LCLAT1: variants seen among roughly 807,000 people sequenced by gnomAD.
LCLAT1 encodes the protein 1-AGP acyltransferase 8.
A neutral mutation model predicts 30.7 loss-of-function variants in LCLAT1; 11 were observed. The ratio of observed to expected loss-of-function variants is 0.36; its 90% CI spans 0.23 to 0.59. The LOEUF (loss-of-function observed/expected upper bound fraction) is 0.59. Ranked by LOEUF, LCLAT1 falls within the 20% of genes least tolerant of loss-of-function variation. LCLAT1 has a pLI of 0.77. For synonymous variants in LCLAT1, 155 were observed against 151.3 expected (o/e 1.02, Z -0.18); for missense variants, 402 against 458.6 (o/e 0.88, Z 1.13).
chr2:30,623,192 T>TAGTC (rs1668351309), intron 5 of LCLAT1, among the ~76,000 whole-genome samples: 1 of 151,794 alleles, frequency 6.6e-6, no homozygotes, highest in Non-Finnish European at 1.5e-5. Context: ...TAGCTGGGAC[T>TAGTC]ACAGGCGCCT....
chr2:30,484,150 G>A (rs1395391416), intron 1 of LCLAT1, among the ~76,000 whole-genome samples: 1 of 152,112 alleles, frequency 6.6e-6, no homozygotes, highest in African/African-American at 2.4e-5. Context: ...CCTGCTTGCT[G>A]ATCCATCATA....
intron 5 of LCLAT1, among the ~76,000 whole-genome samples, chr2:30,608,839 G>C (rs1667596087): frequency 6.6e-6 from 1 of 152,076 alleles, no homozygotes; most frequent in Non-Finnish European, 1.5e-5. Context: ...TCCAAGAGTA[G>C]AACTGCTGAG....
intron 2 of LCLAT1, among the ~76,000 whole-genome samples, chr2:30,527,560 G>A (rs1014773132): frequency 8.5e-5 from 13 of 152,168 alleles, no homozygotes; most frequent in African/African-American, 2.9e-4. Flanking sequence ...CATAAGCAGA[G>A]TGCTTATTTT....
rs1684741799 is a variant in LCLAT1 at position 30,507,775 on chromosome 2, A to G, written c.-4-17812A>G. Reference sequence around the variant, plus strand: ...GTGAATAGCTGCAGTGAACATACACATGCATGTGTCTTTATGATAGAAGAA... The same window carrying G: ...GTGAATAGCTGCAGTGAACATACACGTGCATGTGTCTTTATGATAGAAGAA... On this transcript the variant is annotated intron_variant, in intron 1 of 5. Transcript: ENST00000379509. Among the ~76,000 whole-genome samples the G allele has an allele frequency of 2.0e-5, 3 of 152,172 alleles. No individual in the cohort carries two copies. In the South Asian group the frequency reaches 6.2e-4, roughly 32 times the overall value.
chr2:30,640,088 A>G, intron 5 of LCLAT1, 29 bp from the exon 6 acceptor site: 1 of 1,575,044 alleles, frequency 6.3e-7, no homozygotes, highest in Non-Finnish European at 8.6e-7. Flanking sequence ...GCACTGCTTA[A>G]TCTATGTTTT....
At chr2:30,636,794 G>A (rs150019591) in intron 5 of LCLAT1, among the ~76,000 whole-genome samples, 301 of 152,260 alleles carry the variant, frequency 2.0e-3, no homozygotes, top group South Asian at 0.016. Flanking sequence ...TATTTGATCC[G>A]TAAGCATTAG....
chr2:30,479,068 A>G (rs1315801290), intron 1 of LCLAT1, among the ~76,000 whole-genome samples: 1 of 152,232 alleles, frequency 6.6e-6, no homozygotes, highest in African/African-American at 2.4e-5. Flanking sequence ...TGTCAGACAG[A>G]ATAGATGAAT....
At chr2:30,605,783 G>GT (rs1439918159) in intron 5 of LCLAT1, among the ~76,000 whole-genome samples, 8 of 152,102 alleles carry the variant, frequency 5.3e-5, no homozygotes, top group Admixed American at 5.3e-4. Flanking sequence ...TATGTCAGTG[G>GT]TCCCCAACCT....
intron 1 of LCLAT1, among the ~76,000 whole-genome samples, chr2:30,466,636 T>A (rs1682446733): frequency 6.6e-6 from 1 of 152,200 alleles, no homozygotes; most frequent in African/African-American, 2.4e-5. Flanking sequence ...GTTGCACTGG[T>A]TCTAAACTTT....
At chr2:30,621,925 C>G (rs1210111024) in intron 5 of LCLAT1, among the ~76,000 whole-genome samples, 1 of 152,152 alleles carries the variant, frequency 6.6e-6, no homozygotes, top group African/African-American at 2.4e-5. Context: ...AGATGGTGAA[C>G]AGGGAGTGCA....
intron 1 of LCLAT1, among the ~76,000 whole-genome samples, chr2:30,522,380 A>ATT (rs892350341): frequency 6.7e-6 from 1 of 149,002 alleles, no homozygotes; most frequent in African/African-American, 2.5e-5. Flanking sequence ...TTGTTTTAAA[A>ATT]TTTTTTTTTT....
intron 1 of LCLAT1, among the ~76,000 whole-genome samples, chr2:30,480,998 G>C (rs950818196): frequency 6.6e-6 from 1 of 152,156 alleles, no homozygotes; most frequent in African/African-American, 2.4e-5. Flanking sequence ...GCTTTAAGTA[G>C]TGGTCAGCCT....
chr2:30,598,477 G>C (rs972455242), intron 5 of LCLAT1, among the ~76,000 whole-genome samples: 1 of 150,924 alleles, frequency 6.6e-6, no homozygotes, highest in African/African-American at 2.4e-5. Flanking sequence ...TTGTATTTCA[G>C]TGGGGTCAGT....
chr2:30,470,257 G>C (rs1013411141), intron 1 of LCLAT1, among the ~76,000 whole-genome samples: 1 of 152,138 alleles, frequency 6.6e-6, no homozygotes, highest in African/African-American at 2.4e-5. Flanking sequence ...TGGGGTAATC[G>C]GGGAAGTTAC....
chr2:30,573,356 T>C (rs888643818), intron 5 of LCLAT1, among the ~76,000 whole-genome samples: 47 of 152,202 alleles, frequency 3.1e-4, no homozygotes, highest in African/African-American at 1.1e-3. Flanking sequence ...TAACCAGTCC[T>C]TTCTCCACTT....
chr2:30,613,754 G>C (rs1487780235), intron 5 of LCLAT1, among the ~76,000 whole-genome samples: 2 of 82,016 alleles, frequency 2.4e-5, no homozygotes, highest in African/African-American at 5.7e-5. Context: ...TTGCATCATA[G>C]ACAATGTAAA....
intron 3 of LCLAT1, among the ~76,000 whole-genome samples, chr2:30,557,936 A>T (rs1358194994): frequency 2.0e-5 from 3 of 152,238 alleles, no homozygotes; most frequent in African/African-American, 7.2e-5. Context: ...TGGTCAATTG[A>T]ATATCCATTC....
chr2:30,486,197 A>C (rs897513172), intron 1 of LCLAT1, among the ~76,000 whole-genome samples: 2 of 152,218 alleles, frequency 1.3e-5, no homozygotes, highest in African/African-American at 4.8e-5. Context: ...TAGTCAGGAA[A>C]GAGCATTATC....
intron 3 of LCLAT1, among the ~76,000 whole-genome samples, chr2:30,534,780 G>A (rs1686161102): frequency 6.6e-6 from 1 of 152,082 alleles, no homozygotes; most frequent in Non-Finnish European, 1.5e-5. Context: ...TGTTATTGGT[G>A]GAAGCAGTTA....
Sources: allele counts gnomAD v4.1 joint callset (sites outside exome capture counted in the v4.1 genomes callset), GRCh38; gene constraint gnomAD v4.1.1; transcripts MANE v1.5; gene names NCBI Gene and HGNC (gene_info 2026-07-23, HGNC 2026-07-21).